SPRR1A: variants seen among roughly 807,000 people sequenced by gnomAD.
SPRR1A encodes cornifin-A.
For missense variants in SPRR1A, 123 were observed against 105.4 expected, an observed-to-expected ratio of 1.17 and a Z score of -0.73; for synonymous variants, 40 against 39.2, an observed-to-expected ratio of 1.02 and a Z score of -0.07.
chr1:152,985,353 C>T (rs1000506973), exon 1 of SPRR1A: 2 of 1,598,632 alleles, frequency 1.3e-6, no homozygotes, highest in African/African-American at 3.1e-5. Context: ...AGGAGCCCTG[C>T]CACCCCAAGG....
chr1:152,985,371 G>A (rs1262975676), exon 1 of SPRR1A: 2 of 1,572,374 alleles, frequency 1.3e-6, no homozygotes, highest in Non-Finnish European at 1.7e-6. Flanking sequence ...AGGTGCCTGA[G>A]CCCTGCCACC....
At position 152,985,278 on chromosome 1, in the gene SPRR1A, T is replaced by A. The variant is rs775680887; in HGVS notation, c.48T>A (p.Pro16=). The A allele has an allele frequency of 8.7e-6, 14 of 1,613,656 alleles. No homozygotes were observed. In the South Asian group the frequency reaches 1.2e-4, roughly 14 times the overall value. ...AGCCTTGCACCCCACCCCCTCAGCC[T>A]CAGCAGCAGCAGGTGAAACAACCTT... is the stretch of plus-strand genomic sequence containing the variant. Residue 16 remains proline (P), a synonymous_variant, in exon 1 of 1, where the codon CCT becomes CCA. Coordinates refer to ENST00000368762, the Ensembl canonical transcript of SPRR1A.
exon 1 of SPRR1A, chr1:152,985,330 A>G (rs1486655804): frequency 6.2e-7 from 1 of 1,613,524 alleles, no homozygotes; most frequent in Non-Finnish European, 8.5e-7. Flanking sequence ...GGAACCATGC[A>G]TCCCCAAAAC....
upstream of SPRR1A, among the ~76,000 whole-genome samples, chr1:152,984,557 A>G (rs1201673137): frequency 6.6e-6 from 1 of 152,210 alleles, no homozygotes; most frequent in Non-Finnish European, 1.5e-5. Context: ...TTACTTAACA[A>G]ACATAAAACC....
At chr1:152,985,241 A>G (rs1268651774) in exon 1 of SPRR1A, 1 of 1,607,820 alleles carries the variant, frequency 6.2e-7, no homozygotes, top group South Asian at 1.1e-5. Flanking sequence ...ATGAATTCTC[A>G]GCAGCAGAAG....
exon 1 of SPRR1A, chr1:152,985,380 C>T (rs143282605): frequency 1.9e-6 from 3 of 1,567,204 alleles, no homozygotes; most frequent in Non-Finnish European, 2.6e-6. Flanking sequence ...AGCCCTGCCA[C>T]CCCAAAGTGC....
chr1:152,985,226 GA>G (rs1652269961), upstream of SPRR1A: 1 of 1,596,716 alleles, frequency 6.3e-7, no homozygotes, highest in Admixed American at 1.8e-5. Context: ...AAACACATTT[GA>G]AGCATGAATT....
chr1:152,985,812 C>A (rs1326445274), downstream of SPRR1A, among the ~76,000 whole-genome samples: 1 of 152,174 alleles, frequency 6.6e-6, no homozygotes, highest in Non-Finnish European at 1.5e-5. Context: ...ACTTTTAACT[C>A]CACATCTGGC....
At chr1:152,984,151 G>T (rs1205064384), upstream of SPRR1A, among the ~76,000 whole-genome samples, 1 of 152,136 alleles carries the variant, frequency 6.6e-6, no homozygotes, top group Admixed American at 6.5e-5. Flanking sequence ...CAACAAACTG[G>T]CAATTCTAGT....
chr1:152,985,437 G>T, exon 1 of SPRR1A: 1 of 1,613,034 alleles, frequency 6.2e-7, no homozygotes, highest in Non-Finnish European at 8.5e-7. Flanking sequence ...AGCCCAAGGT[G>T]CCTGAGCCCT....
chr1:152,985,227 A>G, upstream of SPRR1A: 1 of 1,597,852 alleles, frequency 6.3e-7, no homozygotes, highest in Non-Finnish European at 8.5e-7. Context: ...AACACATTTG[A>G]AGCATGAATT....
exon 1 of SPRR1A, chr1:152,985,301 C>T: frequency 6.2e-7 from 1 of 1,613,934 alleles, no homozygotes; most frequent in Non-Finnish European, 8.5e-7. Context: ...GTGAAACAAC[C>T]TTGCCAGCCT....
chr1:152,985,455 A>G, exon 1 of SPRR1A: 1 of 1,613,792 alleles, frequency 6.2e-7, no homozygotes, highest in Non-Finnish European at 8.5e-7. Context: ...CCTGCCCTTC[A>G]ACGGTCACTC....
rs1464529648 is a variant in SPRR1A, at chr1:152,985,464, TCCAGCACCAGC to T, written c.241_251del (p.Pro81GlufsTer?). 5.0e-6 allele frequency: 8 copies of T among 1,613,534 alleles called. No individual in the cohort carries two copies. The highest frequency in any genetic ancestry group is 6.8e-6 in the Non-Finnish European group (8 of 1,179,936). On this transcript the variant is annotated frameshift_variant, in exon 1 of 1. Coordinates refer to ENST00000368762, the Ensembl canonical transcript of SPRR1A. LOFTEE classifies it high-confidence loss of function. The stretch of plus-strand genomic sequence containing the variant: ...CTGAGCCCTGCCCTTCAACGGTCAC[TCCAGCACCAGC>T]CCAGCAGAAGACCAAGCAGAAGTAA...
chr1:152,985,563 T>C (rs1652292833), downstream of SPRR1A: 1 of 1,541,816 alleles, frequency 6.5e-7, no homozygotes, highest in South Asian at 1.3e-5. Context: ...TACTCCATTC[T>C]GCTTATGAAT....
chr1:152,984,524 G>A (rs1652249106), upstream of SPRR1A, among the ~76,000 whole-genome samples: 1 of 152,060 alleles, frequency 6.6e-6, no homozygotes, highest in Non-Finnish European at 1.5e-5. Flanking sequence ...TAGGCACTTT[G>A]GACAAATCAA....
upstream of SPRR1A, among the ~76,000 whole-genome samples, chr1:152,984,408 A>G (rs1453633406): frequency 6.6e-6 from 1 of 152,126 alleles, no homozygotes; most frequent in Non-Finnish European, 1.5e-5. Flanking sequence ...TCAGGCCCAG[A>G]GCACTCTCAG....
chr1:152,985,191 G>A, upstream of SPRR1A: 2 of 1,556,132 alleles, frequency 1.3e-6, no homozygotes, highest in African/African-American at 1.4e-5. Flanking sequence ...TTGAATCACT[G>A]TGTCAGCTTT....
upstream of SPRR1A, among the ~76,000 whole-genome samples, chr1:152,984,901 T>C (rs1652260066): frequency 6.6e-6 from 1 of 152,158 alleles, no homozygotes; most frequent in South Asian, 2.1e-4. Context: ...AGACCTAATA[T>C]GCGGACCTCA....
Sources: gnomAD v4.1 joint callset for allele counts (sites outside exome capture counted in the v4.1 genomes callset) on GRCh38, gnomAD v4.1.1 for gene constraint, MANE v1.5 for transcripts, NCBI Gene and HGNC (gene_info 2026-07-23, HGNC 2026-07-21) for gene names.